The following RAPGEF5 variants were observed in gnomAD, a reference collection of about 807,000 sequenced individuals.
The protein encoded by RAPGEF5 is M-Ras-regulated GEF.
Under a neutral mutation model 125.2 loss-of-function variants are expected in RAPGEF5, and 65 were observed. That is an observed-to-expected ratio of 0.52 (90% confidence interval 0.43 to 0.64). The LOEUF is 0.64. RAPGEF5 is among the 30% of genes least tolerant of loss of function. The pLI is 0.00. For synonymous variants in RAPGEF5, 391 were observed against 385.9 expected, an observed-to-expected ratio of 1.01 and a Z score of -0.16; for missense variants, 958 against 1,048.1, an observed-to-expected ratio of 0.91 and a Z score of 1.19.
intron 13 of RAPGEF5, among the ~76,000 whole-genome samples, chr7:22,160,918 C>T (rs1164595467): frequency 2.0e-5 from 3 of 152,034 alleles, no homozygotes; most frequent in African/African-American, 4.8e-5. Flanking sequence ...AATAATAGGC[C>T]GGGCATGGTG....
intron 1 of RAPGEF5, among the ~76,000 whole-genome samples, chr7:22,345,567 A>G (rs1784207233): frequency 6.6e-6 from 1 of 152,232 alleles, no homozygotes; most frequent in African/African-American, 2.4e-5. Flanking sequence ...AAGAATGTAT[A>G]TGAAAGCGCT....
chr7:22,221,163 C>G (rs1785779131), intron 8 of RAPGEF5, among the ~76,000 whole-genome samples: 1 of 152,322 alleles, frequency 6.6e-6, no homozygotes, highest in South Asian at 2.1e-4. Flanking sequence ...GGAATTCCTC[C>G]ACCAAAGTCA....
At chr7:22,180,653 T>C (rs1784646074) in intron 11 of RAPGEF5, among the ~76,000 whole-genome samples, 1 of 152,186 alleles carries the variant, frequency 6.6e-6, no homozygotes, top group Non-Finnish European at 1.5e-5. Context: ...CTGTGCCTAC[T>C]CACAAATAAC....
rs575951550 is a variant in RAPGEF5, at chr7:22,350,903, G to A, written c.231+5927C>T. On this transcript the variant is annotated intron_variant, in intron 1 of 25. Transcript: ENST00000665637. ...CAGGATAGTAGTTTGTCAGCAAGCA[G>A]AGGCAGTGAAGTCAATATTTCTCAA... Among the ~76,000 whole-genome samples the A allele has an allele frequency of 1.1e-4, 17 of 152,296 alleles. No homozygotes were observed. The East Asian group carries it at 3.3e-3, about 29-fold the overall frequency.
intron 9 of RAPGEF5, among the ~76,000 whole-genome samples, chr7:22,210,925 G>A (rs1785494617): frequency 2.0e-5 from 3 of 151,888 alleles, no homozygotes; most frequent in African/African-American, 4.8e-5. Context: ...CATCCTTTTT[G>A]CTTCAAAAAG....
At chr7:22,249,397 C>T (rs896116300) in intron 7 of RAPGEF5, among the ~76,000 whole-genome samples, 72 of 152,096 alleles carry the variant, frequency 4.7e-4, no homozygotes, top group African/African-American at 1.7e-3. Flanking sequence ...ATTATGTTGG[C>T]CAGGCTGGTC....
intron 7 of RAPGEF5, among the ~76,000 whole-genome samples, chr7:22,242,200 C>A (rs1786349105): frequency 1.3e-5 from 2 of 152,192 alleles, no homozygotes; most frequent in Non-Finnish European, 2.9e-5. Context: ...GCACACAGAT[C>A]AGTCTTGGCA....
At position 22,122,446 on chromosome 7, in the gene RAPGEF5, G is replaced by A; in HGVS notation, c.2612C>T (p.Ala871Val). The change falls in exon 26 of 26, where the codon GCT (alanine) becomes GTT (valine). Residue 871 changes from alanine (A) to valine (V), a missense_variant. By Grantham distance (64) the Ala-to-Val change is moderately conservative. Transcript: ENST00000665637. ...NHLYVIDSQQ[A>V]LFELSHRIEP... ...GATCCTGTGTGAGAGCTCAAACAGAGCCTGCTGGCTGTCAATGACATACAG... is the reference window on the plus strand; with the variant it reads ...GATCCTGTGTGAGAGCTCAAACAGAACCTGCTGGCTGTCAATGACATACAG... The A allele has an allele frequency of 1.2e-6, 2 of 1,613,930 alleles. No individual in the cohort carries two copies. Among genetic ancestry groups the A allele is most frequent in the Non-Finnish European group, 1.7e-6 (2 of 1,179,872 alleles).
intron 23 of RAPGEF5, among the ~76,000 whole-genome samples, chr7:22,132,579 T>C (rs923090158): frequency 6.6e-6 from 1 of 152,178 alleles, no homozygotes; most frequent in Non-Finnish European, 1.5e-5. Context: ...GTGTAGCAAA[T>C]GCAAACCTGT....
At chr7:22,305,247 G>GTAAAAT (rs1783309550) in intron 5 of RAPGEF5, among the ~76,000 whole-genome samples, 1 of 152,118 alleles carries the variant, frequency 6.6e-6, no homozygotes, top group Admixed American at 6.5e-5. Context: ...GTAAAATAAT[G>GTAAAAT]AATATAAAGC....
At chr7:22,246,403 G>C (rs1786478107) in intron 7 of RAPGEF5, among the ~76,000 whole-genome samples, 1 of 152,092 alleles carries the variant, frequency 6.6e-6, no homozygotes, top group Non-Finnish European at 1.5e-5. Context: ...GAACAGAATA[G>C]ATAACCTAGA....
intron 25 of RAPGEF5, chr7:22,125,304 G>C (rs1782702386): frequency 3.4e-6 from 1 of 296,910 alleles, no homozygotes; most frequent in Non-Finnish European, 6.5e-6. Context: ...GCAAGACACT[G>C]TGGGGACAGG....
intron 9 of RAPGEF5, chr7:22,194,683 G>C (rs1382700486): frequency 2.0e-6 from 2 of 985,168 alleles, no homozygotes; most frequent in African/African-American, 3.5e-5. Flanking sequence ...TCTCATCTAG[G>C]CTGAAATTCG....
chr7:22,183,268 C>CAA (rs757079018), intron 11 of RAPGEF5, among the ~76,000 whole-genome samples: 1,910 of 30,938 alleles, frequency 0.062, 284 homozygotes, highest in Non-Finnish European at 0.098. Context: ...GACTCCATCA[C>CAA]AAAAAAAAAA....
chr7:22,299,691 A>C (rs939641728), intron 5 of RAPGEF5, among the ~76,000 whole-genome samples: 8 of 152,106 alleles, frequency 5.3e-5, no homozygotes, highest in Admixed American at 2.0e-4. Context: ...AAATTCTGTT[A>C]GTTTTCCTTC....
At chr7:22,162,371 A>G (rs764103788) in intron 13 of RAPGEF5, 26 bp downstream of exon 13, 48 of 1,536,876 alleles carry the variant, frequency 3.1e-5, no homozygotes, top group Non-Finnish European at 3.8e-5. Flanking sequence ...TTTGGCATCA[A>G]AGAATATCTG....
intron 11 of RAPGEF5, among the ~76,000 whole-genome samples, chr7:22,181,260 G>C (rs1312260757): frequency 6.6e-6 from 1 of 152,138 alleles, no homozygotes; most frequent in African/African-American, 2.4e-5. Context: ...AAGCTTACTT[G>C]CTGTCAGTAC....
chr7:22,301,311 T>G (rs1472315732), intron 5 of RAPGEF5, among the ~76,000 whole-genome samples: 1 of 152,068 alleles, frequency 6.6e-6, no homozygotes, highest in Non-Finnish European at 1.5e-5. Context: ...AGTCAAGGTT[T>G]GCAGCAAAAA....
chr7:22,241,109 T>G (rs1583509184), intron 7 of RAPGEF5, among the ~76,000 whole-genome samples: 2 of 152,332 alleles, frequency 1.3e-5, no homozygotes, highest in South Asian at 4.1e-4. Context: ...GATGCTGCCA[T>G]GGGGATTGTA....
Sources: allele counts gnomAD v4.1 joint callset (sites outside exome capture counted in the v4.1 genomes callset), GRCh38; gene constraint gnomAD v4.1.1; transcripts MANE v1.5; gene names NCBI Gene and HGNC (gene_info 2026-07-23, HGNC 2026-07-21).